The following TENM4 variants were observed in gnomAD, a reference collection of about 807,000 sequenced individuals.
TENM4 encodes the protein teneurin transmembrane protein 4, also known as teneurin-4.
Under a neutral mutation model 243.3 loss-of-function variants are expected in TENM4, and 82 were observed. That is an observed-to-expected ratio of 0.34 (90% CI 0.28 to 0.40). The LOEUF is 0.40. Among genes scored for constraint, TENM4 ranks in the 10% least tolerant of loss-of-function variants. The pLI, the probability that TENM4 is intolerant of heterozygous loss-of-function variation, is 1.00. For synonymous variants in TENM4, 1,412 were observed against 1,456.3 expected (o/e 0.97, Z 0.69); for missense variants, 3,138 against 3,673.3 (o/e 0.85, Z 3.77).
chr11:79,107,017 A>G (rs1236799609), intron 4 of TENM4, among the ~76,000 whole-genome samples: 1 of 152,218 alleles, frequency 6.6e-6, no homozygotes, highest in Non-Finnish European at 1.5e-5. Flanking sequence ...TAAGGCCTTC[A>G]CAAACATGAG....
intron 28 of TENM4, among the ~76,000 whole-genome samples, chr11:78,693,174 C>A (rs1858869113): frequency 6.6e-6 from 1 of 152,152 alleles, no homozygotes; most frequent in Non-Finnish European, 1.5e-5. Context: ...CGAAGAAATT[C>A]ATTTGTTTTG....
chr11:79,010,529 G>A (rs956226366), intron 6 of TENM4, among the ~76,000 whole-genome samples: 28 of 152,102 alleles, frequency 1.8e-4, no homozygotes, highest in Non-Finnish European at 8.8e-5. Context: ...AGGTTTAATG[G>A]ACTCACAGTT....
chr11:79,054,351 T>A (rs182549979), intron 6 of TENM4, among the ~76,000 whole-genome samples: 23 of 152,272 alleles, frequency 1.5e-4, no homozygotes, highest in African/African-American at 5.3e-4. Flanking sequence ...CCCAGATACT[T>A]AGTCATTCTC....
At chr11:78,880,328 G>C (rs1859397662) in intron 9 of TENM4, among the ~76,000 whole-genome samples, 1 of 152,090 alleles carries the variant, frequency 6.6e-6, no homozygotes, top group Admixed American at 6.5e-5. Context: ...GAAGGCCGCA[G>C]GGACCTCTGC....
At chr11:79,363,110 A>G (rs1857618884) in intron 1 of TENM4, among the ~76,000 whole-genome samples, 1 of 152,250 alleles carries the variant, frequency 6.6e-6, no homozygotes, top group Non-Finnish European at 1.5e-5. Flanking sequence ...AATTAAATTA[A>G]CTGAAAATAT....
chr11:79,038,564 G>A (rs78506277), intron 6 of TENM4, among the ~76,000 whole-genome samples: 3,220 of 152,260 alleles, frequency 0.021, 121 homozygotes, highest in African/African-American at 0.073. Context: ...TGATGACTTT[G>A]ACTTTTTGTG....
intron 3 of TENM4, among the ~76,000 whole-genome samples, chr11:79,192,648 G>A (rs1348152092): frequency 6.6e-6 from 1 of 151,848 alleles, no homozygotes; most frequent in Non-Finnish European, 1.5e-5. Context: ...GAAAACCAGA[G>A]ACCTTTGTTC....
chr11:79,202,774 A>T (rs1029421618), intron 3 of TENM4, among the ~76,000 whole-genome samples: 4 of 152,178 alleles, frequency 2.6e-5, no homozygotes, highest in Non-Finnish European at 5.9e-5. Context: ...GCTCCCAGAC[A>T]ACTGAGAGGA....
In TENM4 at chr11:78,670,318, C is replaced by T; in HGVS notation, c.6027G>A (p.Arg2009=). The change falls in exon 32 of 34, where the codon AGG becomes AGA. Residue 2009 remains arginine (R), a synonymous_variant. Coordinates refer to ENST00000278550, the MANE Select transcript of TENM4 (RefSeq NM_001098816.3). ...ACAGTTTGCCATACTTGTATATCAC[C>T]CTGCGGCCAGTGCCCAGGTAGAAGG... ...LHTFYLGTGR[R]VIYKYGKLSK... 1 of 1,613,886 alleles carries T rather than the reference C, an allele frequency of 6.2e-7. No individual in the cohort carries two copies. The highest frequency in any genetic ancestry group is 8.5e-7 in the Non-Finnish European group (1 of 1,179,878).
At chr11:79,276,954 C>G (rs1362662665) in intron 2 of TENM4, among the ~76,000 whole-genome samples, 1 of 152,048 alleles carries the variant, frequency 6.6e-6, no homozygotes, top group East Asian at 1.9e-4. Context: ...GACATAGATT[C>G]CAAATATAGG....
chr11:79,085,483 A>AT (rs1016200223), intron 4 of TENM4, among the ~76,000 whole-genome samples: 1 of 151,692 alleles, frequency 6.6e-6, no homozygotes, highest in African/African-American at 2.4e-5. Context: ...ACTTTGGATG[A>AT]TAAACTCTCT....
At chr11:79,113,790 C>G (rs534712221) in intron 4 of TENM4, among the ~76,000 whole-genome samples, 6 of 152,170 alleles carry the variant, frequency 3.9e-5, no homozygotes, top group Non-Finnish European at 7.3e-5. Context: ...TGGGGCCCAG[C>G]ATTTACTGTC....
chr11:79,015,808 G>A (rs1016258978), intron 6 of TENM4, among the ~76,000 whole-genome samples: 1 of 152,162 alleles, frequency 6.6e-6, no homozygotes, highest in Non-Finnish European at 1.5e-5. Context: ...CAACCAAAAA[G>A]GAATGGTCAT....
chr11:79,189,761 A>G (rs893819371), intron 3 of TENM4, among the ~76,000 whole-genome samples: 7 of 152,210 alleles, frequency 4.6e-5, no homozygotes, highest in African/African-American at 1.4e-4. Flanking sequence ...TTGACTGACC[A>G]CAGCTGGCAA....
chr11:79,283,608 C>T (rs981597700), intron 2 of TENM4, among the ~76,000 whole-genome samples: 1 of 152,144 alleles, frequency 6.6e-6, no homozygotes. Context: ...TAACATTCTA[C>T]TTAATGGTGA....
intron 2 of TENM4, among the ~76,000 whole-genome samples, chr11:79,265,389 C>T (rs1046081245): frequency 5.9e-5 from 9 of 152,272 alleles, no homozygotes; most frequent in African/African-American, 1.7e-4. Flanking sequence ...GCCCTTGAAA[C>T]GCGGCTCATC....
At chr11:78,875,841 A>G (rs1859257796) in intron 9 of TENM4, among the ~76,000 whole-genome samples, 1 of 152,242 alleles carries the variant, frequency 6.6e-6, no homozygotes, top group Non-Finnish European at 1.5e-5. Flanking sequence ...TGCCTGGCAC[A>G]AGGCAAACTC....
chr11:79,153,097 C>G (rs560558426), intron 3 of TENM4, among the ~76,000 whole-genome samples: 1 of 152,308 alleles, frequency 6.6e-6, no homozygotes, highest in African/African-American at 2.4e-5. Context: ...AAGATAGACA[C>G]TTGTCACGAA....
At chr11:79,402,786 T>G (rs1425811957) in intron 1 of TENM4, among the ~76,000 whole-genome samples, 1 of 152,226 alleles carries the variant, frequency 6.6e-6, no homozygotes, top group Non-Finnish European at 1.5e-5. Context: ...TCTCCAAGGC[T>G]TCTGACAAAG....
Sources: gnomAD v4.1 joint callset for allele counts (sites outside exome capture counted in the v4.1 genomes callset) on GRCh38, gnomAD v4.1.1 for gene constraint, MANE v1.5 for transcripts, NCBI Gene and HGNC (gene_info 2026-07-23, HGNC 2026-07-21) for gene names.